ANK2: variants seen among roughly 807,000 people sequenced by gnomAD.
The protein encoded by ANK2 is ankyrin 2.
A neutral mutation model predicts 360.5 loss-of-function variants in ANK2; 83 were observed. That is an observed-to-expected ratio of 0.23 (90% CI 0.19 to 0.28). The LOEUF (loss-of-function observed/expected upper bound fraction) is 0.28, where lower values mean the gene tolerates loss of function less well. ANK2 is among the 10% of genes least tolerant of loss of function. The pLI is 1.00. For synonymous variants in ANK2, 1,740 were observed against 1,759.5 expected, an observed-to-expected ratio of 0.99 and a Z score of 0.28; for missense variants, 4,201 against 4,795.7, an observed-to-expected ratio of 0.88 and a Z score of 3.66.
At chr4:112,908,235 T>C (rs942568355) in intron 2 of ANK2, among the ~76,000 whole-genome samples, 1 of 152,214 alleles carries the variant, frequency 6.6e-6, no homozygotes, top group Admixed American at 6.5e-5. Flanking sequence ...TTAACTTGAG[T>C]TATTGTTAAT....
intron 1 of ANK2, among the ~76,000 whole-genome samples, chr4:113,161,829 G>T (rs1018350273): frequency 6.6e-6 from 1 of 151,952 alleles, no homozygotes; most frequent in African/African-American, 2.4e-5. Flanking sequence ...CCTTCCAGGG[G>T]CATTACAAGA....
At chr4:113,049,574 C>T (rs998860488), upstream of ANK2, 190 of 1,439,724 alleles carry the variant, frequency 1.3e-4, no homozygotes, top group Non-Finnish European at 1.6e-4. Flanking sequence ...GCAGCTGCTG[C>T]CATGGCAACG....
chr4:112,856,119 T>C (rs1244341597), intron 1 of ANK2, among the ~76,000 whole-genome samples: 1 of 152,186 alleles, frequency 6.6e-6, no homozygotes, highest in Non-Finnish European at 1.5e-5. Context: ...TTTAGATGTT[T>C]GATTTTCTTT....
At chr4:112,761,640 A>G in the ANK2 span, among the ~76,000 whole-genome samples, 3 of 91,390 alleles carry the variant, frequency 3.3e-5, no homozygotes, top group Non-Finnish European at 7.1e-5. Flanking sequence ...AAATAAATAA[A>G]AATAAAATAA....
the ANK2 span, among the ~76,000 whole-genome samples, chr4:112,771,269 C>T: frequency 3.9e-5 from 6 of 152,052 alleles, no homozygotes; most frequent in African/African-American, 7.2e-5. Context: ...TGCGCCACCA[C>T]GCTTGGCTAA....
chr4:112,707,323 A>G, the ANK2 span, among the ~76,000 whole-genome samples: 4 of 152,238 alleles, frequency 2.6e-5, no homozygotes, highest in Admixed American at 2.6e-4. Flanking sequence ...ATGTGTAAGT[A>G]GTGTTATATT....
intron 2 of ANK2, among the ~76,000 whole-genome samples, chr4:113,188,294 A>G (rs1050775128): frequency 3.9e-5 from 6 of 152,192 alleles, no homozygotes; most frequent in African/African-American, 1.4e-4. Context: ...TTTCTTTTAG[A>G]TAATTTATAG....
At chr4:112,727,664 T>G in the ANK2 span, among the ~76,000 whole-genome samples, 1 of 152,126 alleles carries the variant, frequency 6.6e-6, no homozygotes, top group African/African-American at 2.4e-5. Flanking sequence ...ACATTACAAT[T>G]GATACCATAG....
intron 2 of ANK2, among the ~76,000 whole-genome samples, chr4:113,012,748 A>G (rs1304512675): frequency 6.6e-6 from 1 of 152,202 alleles, no homozygotes; most frequent in Non-Finnish European, 1.5e-5. Flanking sequence ...TCCAAGAGTC[A>G]AATGAAATCC....
chr4:113,196,433 G>C lies in ANK2; in HGVS notation c.252G>C (p.Leu84=), dbSNP rs1238892498. Residue 84 remains leucine (L), a synonymous_variant, in exon 3 of 46, where the codon CTG becomes CTC. Coordinates refer to ENST00000357077, the MANE Select transcript of ANK2 (RefSeq NM_001148.6). ...EGHVGLVQEL[L]GRGSSVDSAT... ...ACGTGGGGCTGGTGCAGGAGCTGCT[G>C]GGAAGAGGGTCCTCTGTGGATTCTG... The C allele has an allele frequency of 3.7e-6, 6 of 1,613,524 alleles. No individual in the cohort carries two copies. The highest frequency in any genetic ancestry group is 5.1e-6 in the Non-Finnish European group (6 of 1,179,842).
intron 9 of ANK2, among the ~76,000 whole-genome samples, chr4:113,246,533 G>A (rs1354435900): frequency 3.3e-5 from 5 of 152,046 alleles, no homozygotes; most frequent in African/African-American, 1.2e-4. Flanking sequence ...GCTTTATTAA[G>A]GGCATTATTC....
chr4:113,252,430 C>T (rs1268059489), intron 10 of ANK2, among the ~76,000 whole-genome samples: 1 of 151,934 alleles, frequency 6.6e-6, no homozygotes, highest in Admixed American at 6.6e-5. Context: ...TAAGTGTCAC[C>T]CCCTCATTCT....
At chr4:112,997,729 CATGGTATGTATATAT>C (rs1183117311) in intron 2 of ANK2, among the ~76,000 whole-genome samples, 1 of 151,452 alleles carries the variant, frequency 6.6e-6, no homozygotes, top group Non-Finnish European at 1.5e-5. Flanking sequence ...TGGTATACAA[CATGGTATGTATATAT>C]ATGTGTATAT....
intron 1 of ANK2, among the ~76,000 whole-genome samples, chr4:113,153,027 T>C (rs572839714): frequency 1.3e-5 from 2 of 152,214 alleles, no homozygotes; most frequent in African/African-American, 4.8e-5. Flanking sequence ...AGATTATAAA[T>C]TGAAACTGTG....
At chr4:112,987,505 T>C (rs548883119) in intron 2 of ANK2, among the ~76,000 whole-genome samples, 9 of 152,150 alleles carry the variant, frequency 5.9e-5, no homozygotes, top group African/African-American at 2.2e-4. Flanking sequence ...GGGTGACAAG[T>C]CTTTGGAGAA....
intron 1 of ANK2, among the ~76,000 whole-genome samples, chr4:113,118,210 A>G (rs899122090): frequency 5.9e-5 from 9 of 152,224 alleles, no homozygotes; most frequent in Admixed American, 2.6e-4. Flanking sequence ...ATCTAGATCT[A>G]TAAAGAAAGA....
chr4:112,735,820 C>G, the ANK2 span, among the ~76,000 whole-genome samples: 3 of 152,134 alleles, frequency 2.0e-5, no homozygotes, highest in Non-Finnish European at 4.4e-5. Context: ...AAACTGTGTA[C>G]TCACTGAACA....
the ANK2 span, among the ~76,000 whole-genome samples, chr4:112,747,924 G>C: frequency 6.6e-6 from 1 of 152,126 alleles, no homozygotes; most frequent in African/African-American, 2.4e-5. Flanking sequence ...TTCTATTCTA[G>C]AGAGTTCCTT....
chr4:112,836,667 C>T (rs1173530037), intron 1 of ANK2, among the ~76,000 whole-genome samples: 1 of 152,178 alleles, frequency 6.6e-6, no homozygotes, highest in African/African-American at 2.4e-5. Context: ...TCACTCTTGC[C>T]ATGCTTTAGC....
Sources: gnomAD v4.1 joint callset for allele counts (sites outside exome capture counted in the v4.1 genomes callset) on GRCh38, gnomAD v4.1.1 for gene constraint, MANE v1.5 for transcripts, NCBI Gene and HGNC (gene_info 2026-07-23, HGNC 2026-07-21) for gene names.